Variants in NUP205 observed in about 807,000 individuals in gnomAD.
The protein encoded by NUP205 is nuclear pore complex protein Nup205.
A neutral mutation model predicts 253.8 loss-of-function variants in NUP205; 76 were observed. That is an observed-to-expected ratio of 0.30 (90% confidence interval 0.25 to 0.36). The LOEUF is 0.36. Ranked by LOEUF, NUP205 falls within the 10% of genes least tolerant of loss-of-function variation. The pLI is 1.00. For missense variants in NUP205, 2,162 were observed against 2,425.5 expected, an observed-to-expected ratio of 0.89 and a Z score of 2.28; for synonymous variants, 832 against 850.1, an observed-to-expected ratio of 0.98 and a Z score of 0.37.
intron 1 of NUP205, among the ~76,000 whole-genome samples, chr7:135,564,544 G>A (rs368073412): frequency 2.6e-4 from 39 of 151,338 alleles, no homozygotes; most frequent in African/African-American, 8.7e-4. Context: ...CACCACGCCC[G>A]GCCTGTTTTT....
rs542222957 is a variant in NUP205 at position 135,630,766 on chromosome 7, A to C, written c.5059+296A>C. On this transcript the variant is annotated intron_variant, in intron 35 of 42. Transcript: ENST00000285968. ...TAGAGACACCCTGTCTCTACCAAAA[A>C]ATTTTAAAAATTAGCTGGGTGTTGG... is the stretch of plus-strand genomic sequence containing the variant. Among the ~76,000 whole-genome samples, 28 of 152,072 alleles carry C rather than the reference A, an allele frequency of 1.8e-4. No individual in the cohort carries two copies. The South Asian group carries it at 5.2e-3, about 28-fold the overall frequency.
chr7:135,573,024 T>C (rs993154709), intron 2 of NUP205, among the ~76,000 whole-genome samples: 9 of 151,696 alleles, frequency 5.9e-5, no homozygotes, highest in African/African-American at 2.2e-4. Context: ...GTTGAGCTGA[T>C]TTCCAGTCTT....
At chr7:135,630,631 G>T (rs1359178802) in intron 35 of NUP205, among the ~76,000 whole-genome samples, 161 bp downstream of exon 35, 2 of 152,130 alleles carry the variant, frequency 1.3e-5, no homozygotes, top group Admixed American at 6.5e-5. Flanking sequence ...TTTATAAAAT[G>T]ATACATGCTT....
chr7:135,568,822 C>G (rs888282139), intron 1 of NUP205, among the ~76,000 whole-genome samples: 2 of 152,200 alleles, frequency 1.3e-5, no homozygotes, highest in African/African-American at 4.8e-5. Context: ...CACACTTGTT[C>G]TTGGCTGATG....
chr7:135,611,537 T>C (rs1406661388), intron 22 of NUP205, among the ~76,000 whole-genome samples: 1 of 152,256 alleles, frequency 6.6e-6, no homozygotes, highest in Non-Finnish European at 1.5e-5. Context: ...TTTGTGTATA[T>C]ACATTGTTTA....
At chr7:135,620,847 A>G (rs1445712978) in intron 30 of NUP205, among the ~76,000 whole-genome samples, 2 of 152,228 alleles carry the variant, frequency 1.3e-5, no homozygotes, top group African/African-American at 4.8e-5. Flanking sequence ...TTCTTGGTCA[A>G]AAGTTAGGCA....
chr7:135,605,157 C>T (rs756863291), intron 19 of NUP205, among the ~76,000 whole-genome samples: 41 of 152,054 alleles, frequency 2.7e-4, no homozygotes, highest in African/African-American at 8.7e-4. Context: ...TGGGCTCAAG[C>T]GATCCTACAG....
chr7:135,633,295 C>CT (rs1403293605), intron 35 of NUP205, among the ~76,000 whole-genome samples: 1 of 151,960 alleles, frequency 6.6e-6, no homozygotes, highest in African/African-American at 2.4e-5. Context: ...GGGTCTTACT[C>CT]TGTCACCCAG....
intron 1 of NUP205, among the ~76,000 whole-genome samples, 190 bp from the exon 2 acceptor site, chr7:135,570,915 T>TATATATTATATATTTATATAAAATATATA (rs1805980627): frequency 7.9e-6 from 1 of 126,844 alleles, no homozygotes. Context: ...TATAATATAT[T>TATATATTATATATTTATATAAAATATATA]AATATAATAT....
At chr7:135,623,118 A>C (rs1261092050) in intron 31 of NUP205, among the ~76,000 whole-genome samples, 193 bp downstream of exon 31, 1 of 152,068 alleles carries the variant, frequency 6.6e-6, no homozygotes, top group Non-Finnish European at 1.5e-5. Context: ...TCTCTACAAA[A>C]AATACAAAAA....
In NUP205 at chr7:135,598,147, C is replaced by T; in HGVS notation, c.2214C>T (p.Phe738=). 1.2e-6 allele frequency: 2 copies of T among 1,614,078 alleles called. No homozygotes were observed. Among genetic ancestry groups the T allele is most frequent in the East Asian group, 2.2e-5 (1 of 44,878 alleles). The change falls in exon 15 of 43, where the codon TTC becomes TTT. Residue 738 remains phenylalanine (F), a synonymous_variant. Transcript: ENST00000285968. ...RPPGFDPYLQ[F]LRDSVFLRFR... is the part of the protein sequence containing the mutation. ...CTGGCTTTGACCCTTATTTGCAGTT[C>T]CTTAGAGACTCTGTGTTTCTACGAT...
chr7:135,641,626 G>T (rs1229328193), intron 38 of NUP205, among the ~76,000 whole-genome samples: 1 of 151,322 alleles, frequency 6.6e-6, no homozygotes, highest in East Asian at 1.9e-4. Flanking sequence ...AAAAAAATTA[G>T]CTGGGTGTGG....
chr7:135,631,828 C>T (rs537799247), intron 35 of NUP205, among the ~76,000 whole-genome samples: 1 of 150,998 alleles, frequency 6.6e-6, no homozygotes, highest in East Asian at 2.0e-4. Flanking sequence ...CGGCTCACTG[C>T]AAGCTCCGCC....
At chr7:135,586,131 A>G (rs1806456234) in intron 8 of NUP205, among the ~76,000 whole-genome samples, 1 of 121,072 alleles carries the variant, frequency 8.3e-6, no homozygotes, top group African/African-American at 2.8e-5. Flanking sequence ...TCAAATGTAC[A>G]GTTTTTAAAA....
chr7:135,583,080 A>G (rs903317794), intron 7 of NUP205, among the ~76,000 whole-genome samples: 1 of 152,052 alleles, frequency 6.6e-6, no homozygotes, highest in Non-Finnish European at 1.5e-5. Context: ...ACAGAGCGAG[A>G]CTCCATCTCG....
At chr7:135,634,292 T>C (rs1256446874) in intron 35 of NUP205, among the ~76,000 whole-genome samples, 1 of 152,144 alleles carries the variant, frequency 6.6e-6, no homozygotes, top group Non-Finnish European at 1.5e-5. Context: ...AATAGTTAGA[T>C]GGCATTTAGC....
At chr7:135,620,249 C>T (rs1020318053) in intron 30 of NUP205, among the ~76,000 whole-genome samples, 17 of 152,084 alleles carry the variant, frequency 1.1e-4, no homozygotes, top group Admixed American at 8.5e-4. Context: ...TTTAAAATAT[C>T]TCGGCCTGGC....
At chr7:135,567,126 GTGTATATA>G (rs1805789737) in intron 1 of NUP205, among the ~76,000 whole-genome samples, 7 of 5,378 alleles carry the variant, frequency 1.3e-3, no homozygotes, top group East Asian at 0.021. Flanking sequence ...CAGTCTATGT[GTGTATATA>G]TATATATATA....
In NUP205 at chr7:135,576,951, G is replaced by A; in HGVS notation, c.489-18G>A. The A allele has an allele frequency of 6.3e-7, 1 of 1,598,378 alleles. No homozygotes were observed. The highest frequency in any genetic ancestry group is 8.5e-7 in the Non-Finnish European group (1 of 1,175,204). On this transcript the variant is annotated intron_variant, in intron 4 of 42. Transcript: ENST00000285968. ...ACAATATTGTTTAACGTAGTTTATT[G>A]ATTTCTTTTCATTACAGTCCAGAGC...
Sources: gnomAD v4.1 joint callset for allele counts (sites outside exome capture counted in the v4.1 genomes callset) on GRCh38, gnomAD v4.1.1 for gene constraint, MANE v1.5 for transcripts, NCBI Gene and HGNC (gene_info 2026-07-23, HGNC 2026-07-21) for gene names.